UGT8: variants seen among roughly 807,000 people sequenced by gnomAD.
The protein encoded by UGT8 is 2-hydroxyacylsphingosine 1-beta-galactosyltransferase.
In UGT8, 12 loss-of-function variants were observed where a neutral mutation model predicts 40.5. The observed-to-expected ratio is 0.30, with a 90% confidence interval of 0.19 to 0.48. The LOEUF is 0.48. Ranked by LOEUF, UGT8 falls within the 20% of genes least tolerant of loss-of-function variation. UGT8 has a pLI of 0.99. For synonymous variants in UGT8, 224 were observed against 240.4 expected (o/e 0.93, Z 0.63); for missense variants, 513 against 648.7 (o/e 0.79, Z 2.27).
chr4:114,599,749 G>A (rs1730327426), intron 1 of UGT8, among the ~76,000 whole-genome samples: 1 of 152,170 alleles, frequency 6.6e-6, no homozygotes, highest in African/African-American at 2.4e-5. Context: ...AAAAAGAAGG[G>A]CGCCTTCCAT....
Position 114,676,290 on chromosome 4 carries a change from C to T in UGT8, c.*2C>T. The stretch of plus-strand genomic sequence containing the variant: ...AAACATGAAAAGAAAGTGAAATGAG[C>T]CAACAGCCCAGGTGATAGAAATAAA... On this transcript the variant is annotated 3_prime_UTR_variant, in exon 6 of 6. Transcript: ENST00000310836. 1 of 1,572,728 alleles carries T rather than the reference C, an allele frequency of 6.4e-7. No homozygotes were observed. The highest frequency in any genetic ancestry group is 8.6e-7 in the Non-Finnish European group (1 of 1,160,726).
intron 5 of UGT8, among the ~76,000 whole-genome samples, chr4:114,675,646 A>G (rs993671887): frequency 1.5e-5 from 2 of 137,074 alleles, no homozygotes; most frequent in Non-Finnish European, 3.1e-5. Context: ...AGGCTGAGGC[A>G]GGAGAATGGC....
At chr4:114,660,033 T>A (rs1734419511) in intron 2 of UGT8, among the ~76,000 whole-genome samples, 1 of 152,232 alleles carries the variant, frequency 6.6e-6, no homozygotes, top group South Asian at 2.1e-4. Flanking sequence ...CTGTTACTCT[T>A]TCCTTCAGAA....
At chr4:114,648,407 C>G (rs1733710730) in intron 2 of UGT8, among the ~76,000 whole-genome samples, 1 of 140,232 alleles carries the variant, frequency 7.1e-6, no homozygotes, top group Non-Finnish European at 1.5e-5. Context: ...AAATCGGATT[C>G]AGGATACTTA....
intron 2 of UGT8, 51 bp downstream of exon 2, chr4:114,623,753 T>G (rs1360573830): frequency 2.0e-6 from 3 of 1,528,750 alleles, no homozygotes; most frequent in Non-Finnish European, 1.7e-6. Flanking sequence ...AAAAGTCAAT[T>G]TTGATTTTTG....
At chr4:114,605,430 G>A (rs1730678340) in intron 1 of UGT8, among the ~76,000 whole-genome samples, 1 of 152,014 alleles carries the variant, frequency 6.6e-6, no homozygotes. Context: ...GCATCTGCAA[G>A]GAATCCAGTT....
intron 2 of UGT8, among the ~76,000 whole-genome samples, chr4:114,640,826 TG>T (rs1354215763): frequency 1.3e-5 from 2 of 152,180 alleles, no homozygotes; most frequent in Non-Finnish European, 2.9e-5. Flanking sequence ...GGGAAAGACT[TG>T]CCCCCATGAT....
chr4:114,638,921 G>A (rs913025828), intron 2 of UGT8, among the ~76,000 whole-genome samples: 2 of 152,288 alleles, frequency 1.3e-5, no homozygotes, highest in East Asian at 1.9e-4. Flanking sequence ...TTCCTAATAT[G>A]GTGGGGATCT....
chr4:114,652,437 A>C (rs1456158330), intron 2 of UGT8, among the ~76,000 whole-genome samples: 3 of 151,370 alleles, frequency 2.0e-5, no homozygotes, highest in Non-Finnish European at 4.4e-5. Flanking sequence ...GAACTTGAGC[A>C]TTGGCATTGA....
intron 2 of UGT8, among the ~76,000 whole-genome samples, chr4:114,661,879 A>G (rs533827379): frequency 1.3e-5 from 2 of 152,292 alleles, no homozygotes; most frequent in Admixed American, 6.5e-5. Flanking sequence ...TAAAGGCTAT[A>G]TATGGTGCTT....
At chr4:114,656,078 G>GTACGT (rs1365648916) in intron 2 of UGT8, among the ~76,000 whole-genome samples, 1 of 152,120 alleles carries the variant, frequency 6.6e-6, no homozygotes, top group East Asian at 1.9e-4. Flanking sequence ...TGATTAGGTG[G>GTACGT]TACGTGATTT....
At chr4:114,663,910 G>GTT in intron 2 of UGT8, 85 bp from the exon 3 acceptor site, 1 of 1,477,416 alleles carries the variant, frequency 6.8e-7, no homozygotes, top group Non-Finnish European at 9.1e-7. Context: ...TACTTAAAAG[G>GTT]TTTTTTTTTA....
At chr4:114,604,728 A>G (rs1490599334) in intron 1 of UGT8, among the ~76,000 whole-genome samples, 2 of 152,224 alleles carry the variant, frequency 1.3e-5, no homozygotes, top group African/African-American at 4.8e-5. Context: ...TATAAGGCAT[A>G]TAATAAATAT....
intron 3 of UGT8, chr4:114,665,338 C>T (rs1340532399): frequency 1.0e-6 from 1 of 979,122 alleles, no homozygotes; most frequent in Non-Finnish European, 1.2e-6. Context: ...GTTCCAGCTT[C>T]TGGCTGTTTG....
intron 2 of UGT8, among the ~76,000 whole-genome samples, chr4:114,663,014 G>A (rs954211812): frequency 2.0e-5 from 3 of 150,942 alleles, no homozygotes; most frequent in Non-Finnish European, 4.4e-5. Context: ...TAGCAGAGAC[G>A]GGGTTTCACC....
chr4:114,625,404 A>T (rs1244612326), intron 2 of UGT8, among the ~76,000 whole-genome samples: 2 of 149,368 alleles, frequency 1.3e-5, no homozygotes, highest in African/African-American at 4.9e-5. Context: ...CCAGCTACTC[A>T]GGAGGCTGAG....
chr4:114,633,911 T>C (rs1479324480), intron 2 of UGT8, among the ~76,000 whole-genome samples: 1 of 151,606 alleles, frequency 6.6e-6, no homozygotes, highest in Non-Finnish European at 1.5e-5. Flanking sequence ...GCCACTGCAC[T>C]CCAGCCTGGA....
In UGT8 at chr4:114,675,396, A is replaced by G. The variant is rs117631079; in HGVS notation, c.1263-529A>G. ...TGTAACATAATCAAGTTAGTCTCCG[A>G]TTTTCATTTTTCTCACCAATTTAAA... is the stretch of plus-strand genomic sequence containing the variant. On this transcript the variant is annotated intron_variant, in intron 5 of 5. Transcript: ENST00000310836. Among the ~76,000 whole-genome samples, 76 of 152,248 alleles carry G rather than the reference A, an allele frequency of 5.0e-4. No homozygotes were observed. The East Asian group carries it at 0.012, about 24-fold the overall frequency.
intron 2 of UGT8, among the ~76,000 whole-genome samples, chr4:114,630,757 A>G (rs553420223): frequency 5.9e-5 from 9 of 152,206 alleles, no homozygotes; most frequent in South Asian, 2.1e-4. Flanking sequence ...ACAGAAATTG[A>G]TAGATATATC....
Sources: gnomAD v4.1 joint callset for allele counts (sites outside exome capture counted in the v4.1 genomes callset) on GRCh38, gnomAD v4.1.1 for gene constraint, MANE v1.5 for transcripts, NCBI Gene and HGNC (gene_info 2026-07-23, HGNC 2026-07-21) for gene names.